EFR3B: variants seen among roughly 807,000 people sequenced by gnomAD.
EFR3B encodes the protein EFR3 homolog B.
In EFR3B, 64 loss-of-function variants were observed where a neutral mutation model predicts 104.7. The ratio of observed to expected loss-of-function variants is 0.61; its 90% CI spans 0.50 to 0.75. The LOEUF is 0.75. Among genes scored for constraint, EFR3B ranks in the 30% least tolerant of loss-of-function variants. The pLI is 0.00. For synonymous variants in EFR3B, 385 were observed against 417.9 expected (o/e 0.92, Z 0.96); for missense variants, 750 against 1,078.5 (o/e 0.70, Z 4.27).
intron 3 of EFR3B, among the ~76,000 whole-genome samples, chr2:25,099,894 G>T (rs1047221777): frequency 6.6e-6 from 1 of 150,860 alleles, no homozygotes; most frequent in African/African-American, 2.4e-5. Context: ...AAAAGATGAA[G>T]ACTAGCTAAT....
At chr2:25,119,651 T>C (rs1209829883) in intron 4 of EFR3B, among the ~76,000 whole-genome samples, 1 of 152,236 alleles carries the variant, frequency 6.6e-6, no homozygotes, top group Non-Finnish European at 1.5e-5. Context: ...CATCGGAATA[T>C]TCACTCCCAA....
At chr2:25,121,279 A>G (rs2149200331) in intron 4 of EFR3B, among the ~76,000 whole-genome samples, 1 of 152,272 alleles carries the variant, frequency 6.6e-6, no homozygotes, top group African/African-American at 2.4e-5. Context: ...CCTCGAATTC[A>G]TTGAGGGTGG....
chr2:25,139,562 C>T (rs1035752964), intron 16 of EFR3B, among the ~76,000 whole-genome samples: 4 of 152,148 alleles, frequency 2.6e-5, no homozygotes, highest in African/African-American at 9.7e-5. Context: ...CAGACTACAG[C>T]TATGAAATAC....
chr2:25,113,027 C>T (rs1669763196), intron 4 of EFR3B, among the ~76,000 whole-genome samples: 2 of 152,024 alleles, frequency 1.3e-5, no homozygotes, highest in African/African-American at 4.8e-5. Context: ...GTTTTCACAC[C>T]ATTTTGCCTC....
At chr2:25,118,233 C>A (rs562052485) in intron 4 of EFR3B, among the ~76,000 whole-genome samples, 1 of 152,096 alleles carries the variant, frequency 6.6e-6, no homozygotes, top group South Asian at 2.1e-4. Context: ...TGCCTGCCTC[C>A]GCCTCCAAAA....
chr2:25,096,649 C>G (rs2149187580), intron 3 of EFR3B, among the ~76,000 whole-genome samples: 2 of 152,330 alleles, frequency 1.3e-5, no homozygotes, highest in East Asian at 3.9e-4. Flanking sequence ...GACCACCTGG[C>G]TGGCTCTGTG....
chr2:25,119,495 A>G (rs1281925065), intron 4 of EFR3B, among the ~76,000 whole-genome samples: 1 of 152,278 alleles, frequency 6.6e-6, no homozygotes, highest in African/African-American at 2.4e-5. Context: ...AAGGCCAGGC[A>G]GCCGAAGGCC....
Position 25,155,045 on chromosome 2 carries a change from T to A in EFR3B, c.*705T>A, listed in dbSNP as rs1244245398. On this transcript the variant is annotated 3_prime_UTR_variant, in exon 23 of 23. Transcript: ENST00000403714. ...GTCCCTGCAGCAGCTTCCCACCTCC[T>A]TTGTTCATAAGGAGCTTGTGTTGGC... The A allele has an allele frequency of 1.3e-5, 2 of 152,268 alleles. No individual in the cohort carries two copies. Among genetic ancestry groups the A allele is most frequent in the Non-Finnish European group, 2.9e-5 (2 of 68,090 alleles). 9.4% of individuals were successfully genotyped at this position (152,268 alleles called of 1,614,324 possible).
rs56219617 is a variant in EFR3B, at chr2:25,059,572, CGGG to C, written c.7+17265_7+17267del. 1.1e-3 allele frequency among the ~76,000 whole-genome samples: 65 copies of C among 60,252 alleles called. 1 individual carries two copies. Among genetic ancestry groups the C allele is most frequent in the African/African-American group, 3.4e-3 (53 of 15,478 alleles). 39.5% of individuals were successfully genotyped at this position (60,252 alleles called of 152,430 possible). A position where few individuals can be genotyped will look rare whatever the true frequency, so the allele number is the denominator to read the frequency against. On this transcript the variant is annotated intron_variant, in intron 1 of 22. Coordinates refer to ENST00000403714, the MANE Select transcript of EFR3B (RefSeq NM_014971.2). ...GTAGAATAGAGGTTACCAGGGACTG[CGGG>C]GGGGGGGGGGGTGGAGATTGGGGAA...
intron 1 of EFR3B, among the ~76,000 whole-genome samples, chr2:25,076,627 G>C (rs1270408064): frequency 6.6e-6 from 1 of 152,178 alleles, no homozygotes; most frequent in Non-Finnish European, 1.5e-5. Flanking sequence ...GAGAGACAGA[G>C]AATGGAAAAA....
chr2:25,145,101 G>C (rs1176645516), intron 19 of EFR3B, 50 bp downstream of exon 19: 1 of 1,506,560 alleles, frequency 6.6e-7, no homozygotes, highest in Non-Finnish European at 9.0e-7. Flanking sequence ...CTGTAGATTG[G>C]ACGCTGGACT....
In EFR3B at chr2:25,129,972, C is replaced by G. The variant is rs1355293672; in HGVS notation, c.636-3C>G. The G allele has an allele frequency of 1.1e-5, 17 of 1,551,438 alleles. No homozygotes were observed. The highest frequency in any genetic ancestry group is 1.5e-5 in the Non-Finnish European group (17 of 1,147,002). On this transcript the variant is annotated splice_region_variant and splice_polypyrimidine_tract_variant and intron_variant, in intron 6 of 22. Transcript: ENST00000403714. ...CTCTACCCATGTGCCTCTGTCTCCC[C>G]AGCCGGTCTCCCTCACCCCTCCAAG... is the stretch of plus-strand genomic sequence containing the variant.
intron 1 of EFR3B, among the ~76,000 whole-genome samples, chr2:25,082,775 G>A (rs747170133): frequency 6.6e-6 from 1 of 152,192 alleles, no homozygotes; most frequent in Non-Finnish European, 1.5e-5. Flanking sequence ...GCTTACCTTC[G>A]AGTGGGGAGA....
At chr2:25,059,677 A>G (rs187570538) in intron 1 of EFR3B, among the ~76,000 whole-genome samples, 4 of 151,708 alleles carry the variant, frequency 2.6e-5, no homozygotes, top group Non-Finnish European at 5.9e-5. Context: ...TGGTTGCACA[A>G]CAGTGTGAAT....
At chr2:25,046,551 G>T (rs1213351777) in intron 1 of EFR3B, among the ~76,000 whole-genome samples, 1 of 133,026 alleles carries the variant, frequency 7.5e-6, no homozygotes, top group Non-Finnish European at 1.7e-5. Flanking sequence ...CGCCCAGGCT[G>T]GAGTGCAGTG....
chr2:25,126,484 C>T (rs1252094818), intron 5 of EFR3B, among the ~76,000 whole-genome samples: 2 of 152,022 alleles, frequency 1.3e-5, no homozygotes, highest in African/African-American at 4.8e-5. Flanking sequence ...CTCAACCTCC[C>T]GAGTAGCTGG....
chr2:25,080,947 G>C, intron 1 of EFR3B: 1 of 762,656 alleles, frequency 1.3e-6, no homozygotes, highest in Middle Eastern at 3.6e-4. Flanking sequence ...TGTTCAAGCC[G>C]GAGAGCTTGT....
Position 25,137,714 on chromosome 2 carries a change from C to T in EFR3B, c.1722+212C>T, listed in dbSNP as rs1490062233. ...GAATGCTTCATTCATGGTCTTGGCC[C>T]GTCCTTAAGCTAAAGAAGACCCAGG... is the stretch of plus-strand genomic sequence containing the variant. On this transcript the variant is annotated intron_variant, in intron 15 of 22. Transcript: ENST00000403714. This position sits in a 1 kb window ranked among gnomAD's most constrained non-coding sequence, Gnocchi z 4.7. Among the ~76,000 whole-genome samples, 2 of 152,168 alleles carry T rather than the reference C, an allele frequency of 1.3e-5. No homozygotes were observed. Among genetic ancestry groups the T allele is most frequent in the African/African-American group, 2.4e-5 (1 of 41,438 alleles).
At chr2:25,071,009 GGA>G (rs1668478654) in intron 1 of EFR3B, among the ~76,000 whole-genome samples, 2 of 152,352 alleles carry the variant, frequency 1.3e-5, no homozygotes, top group South Asian at 4.1e-4. Context: ...CGCCCAGACT[GGA>G]GTGCACTGGT....
Sources: allele counts gnomAD v4.1 joint callset (sites outside exome capture counted in the v4.1 genomes callset), GRCh38; gene constraint gnomAD v4.1.1; non-coding constraint Gnocchi (gnomAD v3.1); transcripts MANE v1.5; gene names NCBI Gene and HGNC (gene_info 2026-07-23, HGNC 2026-07-21).